Variants in OPCML observed in about 807,000 individuals in gnomAD.
OPCML encodes opioid-binding protein/cell adhesion molecule.
A neutral mutation model predicts 37.8 loss-of-function variants in OPCML; 13 were observed. That is an observed-to-expected ratio of 0.34 (90% CI 0.22 to 0.55). The LOEUF (loss-of-function observed/expected upper bound fraction) is 0.55. Ranked by LOEUF, OPCML falls within the 20% of genes least tolerant of loss-of-function variation. OPCML has a pLI of 0.91. For missense variants in OPCML, 341 were observed against 435.6 expected (o/e 0.78, Z 1.93); for synonymous variants, 176 against 168.8 (o/e 1.04, Z -0.33).
intron 1 of OPCML, among the ~76,000 whole-genome samples, chr11:133,319,429 G>A (rs1446826661): frequency 2.0e-5 from 3 of 152,078 alleles, no homozygotes; most frequent in African/African-American, 2.4e-5. Context: ...GTCCCGACAG[G>A]CTCAAATTCT....
chr11:132,970,815 G>A (rs914213258), intron 1 of OPCML, among the ~76,000 whole-genome samples: 1 of 152,080 alleles, frequency 6.6e-6, no homozygotes, highest in Non-Finnish European at 1.5e-5. Context: ...AAAGCCTCCT[G>A]TAGTACTCAT....
chr11:132,909,498 A>C (rs2725466), intron 2 of OPCML, among the ~76,000 whole-genome samples: 1 of 151,930 alleles, frequency 6.6e-6, no homozygotes, highest in Non-Finnish European at 1.5e-5. Flanking sequence ...TAGGAGCTTC[A>C]AGGCCAGGTG....
chr11:132,934,522 C>G (rs1219448841), intron 2 of OPCML, among the ~76,000 whole-genome samples: 1 of 152,126 alleles, frequency 6.6e-6, no homozygotes, highest in African/African-American at 2.4e-5. Context: ...GCTCTCAAAT[C>G]CCAGAAACTC....
chr11:132,883,394 A>G (rs1943290894), intron 2 of OPCML, among the ~76,000 whole-genome samples: 1 of 152,230 alleles, frequency 6.6e-6, no homozygotes, highest in Admixed American at 6.5e-5. Flanking sequence ...AAGAGAGCAC[A>G]GGATTAATTA....
intron 4 of OPCML, among the ~76,000 whole-genome samples, chr11:132,468,463 T>C (rs1170722857): frequency 1.3e-5 from 2 of 152,250 alleles, no homozygotes; most frequent in Non-Finnish European, 2.9e-5. Flanking sequence ...GCACTCGTTA[T>C]GTTGCTTTTT....
intron 3 of OPCML, among the ~76,000 whole-genome samples, chr11:132,621,938 G>C (rs1939434899): frequency 6.6e-6 from 1 of 152,138 alleles, no homozygotes; most frequent in African/African-American, 2.4e-5. Context: ...GGAATTTGTA[G>C]ACACTACAAG....
chr11:133,475,518 T>A (rs1197643511), intron 1 of OPCML, among the ~76,000 whole-genome samples: 1 of 152,140 alleles, frequency 6.6e-6, no homozygotes, highest in East Asian at 1.9e-4. Flanking sequence ...GTCCTCTCTG[T>A]CCCATTGCAG....
intron 2 of OPCML, among the ~76,000 whole-genome samples, chr11:132,750,907 T>C: frequency 6.6e-6 from 1 of 152,158 alleles, no homozygotes; most frequent in East Asian, 1.9e-4. Context: ...GCCTTCTGGG[T>C]ATTAACACGG....
At chr11:132,910,069 G>A (rs561084810) in intron 2 of OPCML, among the ~76,000 whole-genome samples, 4 of 152,150 alleles carry the variant, frequency 2.6e-5, no homozygotes, top group Non-Finnish European at 5.9e-5. Context: ...CGAGAGAGTC[G>A]GTACTGAAAA....
Position 133,169,802 on chromosome 11 carries a change from G to C in OPCML, c.62-226792C>G, listed in dbSNP as rs184228746. Among the ~76,000 whole-genome samples the C allele has an allele frequency of 3.3e-3, 507 of 152,178 alleles. 5 individuals carry two copies. The highest frequency in any genetic ancestry group is 0.012 in the African/African-American group (497 of 41,512). On this transcript the variant is annotated intron_variant, in intron 1 of 7. Coordinates refer to ENST00000524381, the MANE Select transcript of OPCML (RefSeq NM_001012393.5). ...GATGGATTGAGATGCATCTTCTTGG[G>C]GGCCCACTTAGAATGGTGATATATG... is the stretch of plus-strand genomic sequence containing the variant.
At chr11:133,146,378 A>C (rs1949897426) in intron 1 of OPCML, among the ~76,000 whole-genome samples, 1 of 149,880 alleles carries the variant, frequency 6.7e-6, no homozygotes, top group South Asian at 2.1e-4. Context: ...GCAATGGCAC[A>C]ATCTTGGCTC....
At chr11:133,414,521 G>A (rs1382434365) in intron 1 of OPCML, among the ~76,000 whole-genome samples, 1 of 152,098 alleles carries the variant, frequency 6.6e-6, no homozygotes, top group Non-Finnish European at 1.5e-5. Flanking sequence ...TGGTTTTCAG[G>A]TAGAGAGTTG....
At chr11:133,171,448 T>C (rs556037984) in intron 1 of OPCML, among the ~76,000 whole-genome samples, 2 of 152,218 alleles carry the variant, frequency 1.3e-5, no homozygotes, top group Non-Finnish European at 2.9e-5. Flanking sequence ...GGAATTCTCA[T>C]ATAACCCATA....
At chr11:132,856,077 A>G (rs1942042941) in intron 2 of OPCML, among the ~76,000 whole-genome samples, 1 of 152,208 alleles carries the variant, frequency 6.6e-6, no homozygotes, top group Non-Finnish European at 1.5e-5. Context: ...TCGAATGCCA[A>G]TACAATAGAC....
intron 1 of OPCML, among the ~76,000 whole-genome samples, chr11:133,071,684 C>A (rs1324977169): frequency 6.6e-6 from 1 of 152,124 alleles, no homozygotes; most frequent in African/African-American, 2.4e-5. Flanking sequence ...TCTTGTCTGG[C>A]CTATTGTTCA....
chr11:133,491,412 C>T (rs559607702), intron 1 of OPCML, among the ~76,000 whole-genome samples: 2 of 152,306 alleles, frequency 1.3e-5, no homozygotes, highest in Admixed American at 6.5e-5. Flanking sequence ...TTCACTGTAA[C>T]GGTCCTCTTG....
intron 3 of OPCML, among the ~76,000 whole-genome samples, chr11:132,537,349 C>A (rs2096343548): frequency 6.6e-6 from 1 of 152,184 alleles, no homozygotes; most frequent in African/African-American, 2.4e-5. Context: ...ATAGTGTTTT[C>A]AATGAATGGT....
intron 1 of OPCML, among the ~76,000 whole-genome samples, chr11:133,465,763 T>C (rs1196582210): frequency 6.6e-6 from 1 of 152,094 alleles, no homozygotes; most frequent in African/African-American, 2.4e-5. Flanking sequence ...ACCTCAACTA[T>C]GAAATGGGGA....
At chr11:133,528,041 T>G (rs995774061) in intron 1 of OPCML, among the ~76,000 whole-genome samples, 3 of 152,188 alleles carry the variant, frequency 2.0e-5, no homozygotes, top group Non-Finnish European at 4.4e-5. Context: ...TTCTGTAATT[T>G]TCTAGGTTAC....
Sources: allele counts gnomAD v4.1 joint callset (sites outside exome capture counted in the v4.1 genomes callset), GRCh38; gene constraint gnomAD v4.1.1; transcripts MANE v1.5; gene names NCBI Gene and HGNC (gene_info 2026-07-23, HGNC 2026-07-21).